Variants in FAM114A1 observed in about 807,000 individuals in gnomAD.
FAM114A1 encodes the protein protein NOXP20.
A neutral mutation model predicts 64.3 loss-of-function variants in FAM114A1; 62 were observed. That is an observed-to-expected ratio of 0.96 (90% CI 0.79 to 1.19). The LOEUF (loss-of-function observed/expected upper bound fraction) is 1.19, where lower values mean the gene tolerates loss of function less well. Ranked by LOEUF, FAM114A1 falls within the 50% of genes most tolerant of loss-of-function variation. FAM114A1 has a pLI of 0.00. For missense variants in FAM114A1, 645 were observed against 676.3 expected (o/e 0.95, Z 0.51); for synonymous variants, 254 against 251.1 (o/e 1.01, Z -0.11).
At chr4:38,924,144 T>C (rs1320391879) in intron 9 of FAM114A1, among the ~76,000 whole-genome samples, 1 of 148,890 alleles carries the variant, frequency 6.7e-6, no homozygotes. Context: ...GTATCTTCAC[T>C]TGTAAAATGG....
chr4:38,908,309 G>A (rs978289806), intron 6 of FAM114A1, among the ~76,000 whole-genome samples: 3 of 151,980 alleles, frequency 2.0e-5, no homozygotes, highest in Non-Finnish European at 1.5e-5. Flanking sequence ...CAGAGAGCCA[G>A]TAAAATTAAT....
intron 7 of FAM114A1, chr4:38,914,658 GTTTC>G (rs764401867): frequency 1.6e-5 from 6 of 376,062 alleles, no homozygotes; most frequent in African/African-American, 4.0e-5. Context: ...CTTTTGGTGT[GTTTC>G]TTAACAGTTT....
chr4:38,939,813 G>A (rs1721441642), intron 13 of FAM114A1, among the ~76,000 whole-genome samples: 1 of 151,860 alleles, frequency 6.6e-6, no homozygotes, highest in African/African-American at 2.4e-5. Context: ...CTCTTAGACA[G>A]AGAAGACTAT....
At chr4:38,877,608 A>G (rs935916270) in intron 2 of FAM114A1, among the ~76,000 whole-genome samples, 2 of 152,174 alleles carry the variant, frequency 1.3e-5, no homozygotes, top group South Asian at 4.1e-4. Context: ...CAGGCCATGG[A>G]CTGGTACAAG....
At chr4:38,891,717 C>G in intron 3 of FAM114A1, 26 bp from the exon 4 acceptor site, 3 of 1,578,508 alleles carry the variant, frequency 1.9e-6, no homozygotes, top group Non-Finnish European at 2.6e-6. Context: ...GAATTTCTGA[C>G]CTGTGGCTAA....
At position 38,877,517 on chromosome 4, in the gene FAM114A1, G is replaced by A. The variant is rs185615381; in HGVS notation, c.-8-554G>A. Among the ~76,000 whole-genome samples the A allele has an allele frequency of 2.9e-3, 438 of 152,266 alleles. 3 individuals are homozygous for A. Among genetic ancestry groups the A allele is most frequent in the African/African-American group, 9.8e-3 (406 of 41,560 alleles). Reference sequence around the variant, plus strand: ...GCGGAGTTCAGGTGGTAATGCGAGCGATGGGGAGCAGCTGTAAATACAGAG... The same window carrying A: ...GCGGAGTTCAGGTGGTAATGCGAGCAATGGGGAGCAGCTGTAAATACAGAG... On this transcript the variant is annotated intron_variant, in intron 2 of 14. Coordinates refer to ENST00000358869, the MANE Select transcript of FAM114A1 (RefSeq NM_138389.4).
At chr4:38,892,961 G>C (rs2109613216) in intron 4 of FAM114A1, among the ~76,000 whole-genome samples, 1 of 152,340 alleles carries the variant, frequency 6.6e-6, no homozygotes, top group Middle Eastern at 3.4e-3. Flanking sequence ...GAAGGCTCTG[G>C]GAAGAAGTAG....
chr4:38,923,070 T>C (rs1384598578), intron 9 of FAM114A1, among the ~76,000 whole-genome samples, 177 bp downstream of exon 9: 4 of 152,202 alleles, frequency 2.6e-5, no homozygotes, highest in Admixed American at 2.0e-4. Context: ...TATAAGACTC[T>C]CTTTCACTGG....
At chr4:38,915,775 G>C (rs919141989) in intron 8 of FAM114A1, among the ~76,000 whole-genome samples, 2 of 151,384 alleles carry the variant, frequency 1.3e-5, no homozygotes, top group African/African-American at 4.9e-5. Context: ...GTGTGTGTGT[G>C]TGTGTGTGTG....
At chr4:38,903,782 T>A (rs1717730403) in intron 4 of FAM114A1, among the ~76,000 whole-genome samples, 1 of 152,220 alleles carries the variant, frequency 6.6e-6, no homozygotes, top group Admixed American at 6.5e-5. Flanking sequence ...TGTCTAATGA[T>A]CTGCACATGA....
chr4:38,884,234 T>C (rs1179817276), intron 3 of FAM114A1, among the ~76,000 whole-genome samples: 1 of 152,204 alleles, frequency 6.6e-6, no homozygotes, highest in East Asian at 1.9e-4. Flanking sequence ...AGCTCTTCTC[T>C]CACCTCAGCC....
At chr4:38,868,114 C>T (rs759743698) in intron 1 of FAM114A1, 3 of 272,170 alleles carry the variant, frequency 1.1e-5, no homozygotes, top group Non-Finnish European at 1.6e-5. Context: ...CACACCCACA[C>T]GCCCACACTC....
At chr4:38,873,660 G>T (rs192506521) in intron 2 of FAM114A1, among the ~76,000 whole-genome samples, 41 of 152,256 alleles carry the variant, frequency 2.7e-4, no homozygotes, top group African/African-American at 8.2e-4. Context: ...ATTTTAACTG[G>T]GTCTTCAATG....
chr4:38,925,132 A>G (rs1365611554), intron 9 of FAM114A1, among the ~76,000 whole-genome samples: 5 of 152,102 alleles, frequency 3.3e-5, no homozygotes, highest in Admixed American at 2.6e-4. Flanking sequence ...ACATAGAAAA[A>G]CCTGAAGTGC....
intron 2 of FAM114A1, among the ~76,000 whole-genome samples, chr4:38,877,384 G>A (rs909747289): frequency 1.3e-5 from 2 of 151,940 alleles, no homozygotes; most frequent in Non-Finnish European, 2.9e-5. Flanking sequence ...AGATCATCAG[G>A]CATTAGATTC....
chr4:38,905,617 G>C lies in FAM114A1; in HGVS notation c.532G>C (p.Glu178Gln). Reference sequence around the variant, plus strand: ...TTCTGAAGGAGCCCAACCAAATACTGAAAACGGAGTCCCTGAAAGTGAGTG... The same window carrying C: ...TTCTGAAGGAGCCCAACCAAATACTCAAAACGGAGTCCCTGAAAGTGAGTG... The part of the protein sequence containing the change: ...GSSEGAQPNT[E>Q]NGVPEITDAA... Residue 178 changes from glutamate (E) to glutamine (Q), a missense_variant, in exon 5 of 15, where the codon GAA becomes CAA. Transcript: ENST00000358869. The C allele has an allele frequency of 6.2e-7, 1 of 1,614,130 alleles. No homozygotes were observed. Among genetic ancestry groups the C allele is most frequent in the Non-Finnish European group, 8.5e-7 (1 of 1,179,966 alleles).
chr4:38,870,381 A>G (rs562780430), intron 2 of FAM114A1, among the ~76,000 whole-genome samples: 17 of 152,176 alleles, frequency 1.1e-4, no homozygotes, highest in Non-Finnish European at 2.1e-4. Context: ...GCTGTTTTGC[A>G]TCACTTTTTA....
intron 9 of FAM114A1, among the ~76,000 whole-genome samples, chr4:38,925,543 T>C (rs1333940249): frequency 6.6e-6 from 1 of 152,204 alleles, no homozygotes; most frequent in Non-Finnish European, 1.5e-5. Context: ...CCCTAACAAC[T>C]AAATAATTTA....
rs1015931425 is a variant in FAM114A1 at position 38,882,166 on chromosome 4, G to C, written c.348+3740G>C. Reference sequence around the variant, plus strand: ...TCTCTACTAAAAATACAAAAAATTAGCCGGGCGCGGTGGTGGGCGCCTGTA... The same window carrying C: ...TCTCTACTAAAAATACAAAAAATTACCCGGGCGCGGTGGTGGGCGCCTGTA... On this transcript the variant is annotated intron_variant, in intron 3 of 14. Transcript: ENST00000358869. Among the ~76,000 whole-genome samples the C allele has an allele frequency of 4.7e-5, 7 of 148,066 alleles. No individual in the cohort carries two copies. In the South Asian group the frequency reaches 1.5e-3, roughly 32 times the overall value.
Sources: gnomAD v4.1 joint callset for allele counts (sites outside exome capture counted in the v4.1 genomes callset) on GRCh38, gnomAD v4.1.1 for gene constraint, MANE v1.5 for transcripts, NCBI Gene and HGNC (gene_info 2026-07-23, HGNC 2026-07-21) for gene names.